Variants in HMGB1 observed in about 807,000 individuals in gnomAD.
The protein encoded by HMGB1 is high mobility group protein B1.
For missense variants in HMGB1, 79 were observed against 253.5 expected, an observed-to-expected ratio of 0.31 and a Z score of 4.67; for synonymous variants, 81 against 84.0, an observed-to-expected ratio of 0.96 and a Z score of 0.19.
At chr13:30,581,152 G>C (rs1357621702) in intron 1 of HMGB1, among the ~76,000 whole-genome samples, 1 of 151,698 alleles carries the variant, frequency 6.6e-6, no homozygotes, top group Non-Finnish European at 1.5e-5. Flanking sequence ...AATACAAAAA[G>C]AAAAAAAAGA....
rs574639150 is a variant in HMGB1, at chr13:30,516,354, T to G, written c.-14-52660A>C. 3.9e-5 allele frequency among the ~76,000 whole-genome samples: 6 copies of G among 152,082 alleles called. No individual in the cohort carries two copies. In the East Asian group the frequency reaches 1.2e-3, roughly 29 times the overall value. ...TGGACTATAGTAACTTTTCACTAAT[T>G]TTTTTTTACTTGAGTCAACAAATTT... On this transcript the variant is annotated intron_variant, in intron 1 of 4. Transcript: ENST00000405805.
At chr13:30,594,404 A>G (rs1309371124) in intron 1 of HMGB1, among the ~76,000 whole-genome samples, 1 of 152,014 alleles carries the variant, frequency 6.6e-6, no homozygotes, top group Non-Finnish European at 1.5e-5. Context: ...TGGAGTTCCC[A>G]GTGTCTACTG....
Position 30,534,315 on chromosome 13 carries a change from C to T in HMGB1, c.-14-70621G>A, listed in dbSNP as rs538780009. Among the ~76,000 whole-genome samples, 5 of 152,370 alleles carry T rather than the reference C, an allele frequency of 3.3e-5. No homozygotes were observed. In the South Asian group the frequency reaches 6.2e-4, roughly 19 times the overall value. On this transcript the variant is annotated intron_variant, in intron 1 of 4. Transcript: ENST00000405805. ...CCACGGCCCAGGCCAAACTCAGTCT[C>T]GTCTCTCACTTTAGCCTCCCATGGC...
In HMGB1 at chr13:30,458,250, G is replaced by A. The variant is rs373093340; in HGVS notation, c.*3107C>T. On this transcript the variant is annotated 3_prime_UTR_variant, in exon 5 of 5. Transcript: ENST00000341423. ...CGTATTGTACCAAGCAGACCTAAAT[G>A]TGAACTTTCATCAAGGACTATGTGA... The A allele has an allele frequency of 5.9e-5, 9 of 151,900 alleles. No homozygotes were observed. The East Asian group carries it at 1.6e-3, about 26-fold the overall frequency. 9.4% of individuals were successfully genotyped at this position (151,900 alleles called of 1,614,324 possible). A position where few individuals can be genotyped will look rare whatever the true frequency, so the allele number is the denominator to read the frequency against.
chr13:30,516,321 T>C (rs1888101245), intron 1 of HMGB1, among the ~76,000 whole-genome samples: 1 of 152,236 alleles, frequency 6.6e-6, no homozygotes, highest in Non-Finnish European at 1.5e-5. Context: ...GTCTTCCTCC[T>C]TTCCTTATGG....
At chr13:30,482,719 C>T (rs969440249) in intron 1 of HMGB1, among the ~76,000 whole-genome samples, 3 of 151,890 alleles carry the variant, frequency 2.0e-5, no homozygotes, top group South Asian at 2.1e-4. Context: ...ACATTGGTAG[C>T]GACTTCAAGG....
intron 1 of HMGB1, chr13:30,554,662 A>G (rs894962849): frequency 2.9e-5 from 22 of 771,746 alleles, no homozygotes; most frequent in South Asian, 8.1e-5. Flanking sequence ...ACCGATGTAC[A>G]GTAAATGCAA....
At chr13:30,594,651 T>C (rs1293108464) in intron 1 of HMGB1, among the ~76,000 whole-genome samples, 4 of 152,244 alleles carry the variant, frequency 2.6e-5, no homozygotes, top group African/African-American at 9.6e-5. Context: ...TACATTGATT[T>C]CATGTGTTTG....
intron 1 of HMGB1, among the ~76,000 whole-genome samples, chr13:30,485,614 G>A (rs148149979): frequency 9.9e-4 from 150 of 152,284 alleles, no homozygotes; most frequent in African/African-American, 3.4e-3. Flanking sequence ...AGTAGATAAA[G>A]AGAAGAAAAG....
intron 1 of HMGB1, among the ~76,000 whole-genome samples, chr13:30,588,252 G>A (rs759538181): frequency 2.6e-4 from 39 of 152,020 alleles, no homozygotes; most frequent in African/African-American, 4.1e-4. Context: ...TTATACATAC[G>A]CACTAAAGCA....
intron 1 of HMGB1, among the ~76,000 whole-genome samples, chr13:30,603,071 T>C (rs1339013278): frequency 6.6e-6 from 1 of 152,202 alleles, no homozygotes; most frequent in East Asian, 1.9e-4. Context: ...CCTCTCCAAG[T>C]GTTAGGATTA....
chr13:30,474,565 T>C (rs1887021748), intron 1 of HMGB1, among the ~76,000 whole-genome samples: 1 of 152,162 alleles, frequency 6.6e-6, no homozygotes, highest in Non-Finnish European at 1.5e-5. Context: ...TCTCTGGCCT[T>C]ATCTGACCCA....
rs530301187 is a variant in HMGB1 at position 30,481,966 on chromosome 13, A to G, written c.-14-18272T>C. On this transcript the variant is annotated intron_variant, in intron 1 of 4. Coordinates refer to the HMGB1 transcript ENST00000405805. Reference sequence around the variant, plus strand: ...TGCCTCAGCCTCCTGAGTATCTGGGACTACAGGTGTGTGCCACCACGCCCA... The same window carrying G: ...TGCCTCAGCCTCCTGAGTATCTGGGGCTACAGGTGTGTGCCACCACGCCCA... 5.3e-5 allele frequency among the ~76,000 whole-genome samples: 8 copies of G among 152,150 alleles called. No individual in the cohort carries two copies. In the East Asian group the frequency reaches 5.8e-4, roughly 11 times the overall value.
intron 1 of HMGB1, among the ~76,000 whole-genome samples, chr13:30,604,806 T>C (rs1350160854): frequency 1.3e-5 from 2 of 152,094 alleles, no homozygotes; most frequent in Non-Finnish European, 1.5e-5. Flanking sequence ...TACGGGCGCG[T>C]GCCACCACAC....
At chr13:30,524,356 A>AGG (rs1248202685) in intron 1 of HMGB1, among the ~76,000 whole-genome samples, 2 of 32,926 alleles carry the variant, frequency 6.1e-5, no homozygotes, top group African/African-American at 1.5e-4. Context: ...AAAAAAAAAA[A>AGG]AGAAAAAAAA....
chr13:30,555,471 TAA>T (rs1026768927), intron 1 of HMGB1, among the ~76,000 whole-genome samples: 1 of 152,180 alleles, frequency 6.6e-6, no homozygotes, highest in African/African-American at 2.4e-5. Flanking sequence ...ATATTTTTGT[TAA>T]AGAGTCAAAA....
chr13:30,581,039 C>T (rs955983620), intron 1 of HMGB1, among the ~76,000 whole-genome samples: 1 of 152,134 alleles, frequency 6.6e-6, no homozygotes, highest in Non-Finnish European at 1.5e-5. Flanking sequence ...TCAAGGAATC[C>T]TCTTGCCAAA....
chr13:30,528,082 C>T (rs1162814484), intron 1 of HMGB1, among the ~76,000 whole-genome samples: 3 of 152,222 alleles, frequency 2.0e-5, no homozygotes, highest in Non-Finnish European at 2.9e-5. Context: ...CATCCTCATG[C>T]GGTCTTAACA....
Position 30,532,203 on chromosome 13 carries a change from T to C in HMGB1, c.-14-68509A>G, listed in dbSNP as rs750368365. ...GTACAAAAATTAGCCGGCATGGTGG[T>C]GTGCACCTGTAATCCCAGCTACTCA... On this transcript the variant is annotated intron_variant, in intron 1 of 4. Coordinates refer to the HMGB1 transcript ENST00000405805. Among the ~76,000 whole-genome samples, 69 of 151,592 alleles carry C rather than the reference T, an allele frequency of 4.6e-4. 1 individual carries two copies. The highest frequency in any genetic ancestry group is 8.8e-4 in the Non-Finnish European group (60 of 67,926).
Sources: allele counts gnomAD v4.1 joint callset (sites outside exome capture counted in the v4.1 genomes callset), GRCh38; gene constraint gnomAD v4.1.1; transcripts MANE v1.5; gene names NCBI Gene and HGNC (gene_info 2026-07-23, HGNC 2026-07-21).